Variants in C11orf65 observed in about 807,000 individuals in gnomAD.
The protein encoded by C11orf65 is protein MFI.
Under a neutral mutation model 35.3 loss-of-function variants are expected in C11orf65, and 38 were observed. The observed-to-expected ratio is 1.08, with a 90% CI of 0.83 to 1.41. The LOEUF (loss-of-function observed/expected upper bound fraction) is 1.41. Among genes scored for constraint, C11orf65 ranks in the 40% most tolerant of loss-of-function variants. The pLI, the probability that C11orf65 is intolerant of heterozygous loss-of-function variation, is 0.00. For synonymous variants in C11orf65, 105 were observed against 114.4 expected, an observed-to-expected ratio of 0.92 and a Z score of 0.53; for missense variants, 370 against 367.1, an observed-to-expected ratio of 1.01 and a Z score of -0.06.
chr11:108,335,185 T>C, intron 3 of C11orf65: 1 of 1,604,482 alleles, frequency 6.2e-7, no homozygotes, highest in Non-Finnish European at 8.5e-7. Context: ...TCTTTCTGCT[T>C]TATTTGGGAT....
At chr11:108,350,818 G>A (rs2089111720) in intron 2 of C11orf65, among the ~76,000 whole-genome samples, 1 of 152,124 alleles carries the variant, frequency 6.6e-6, no homozygotes, top group Non-Finnish European at 1.5e-5. Flanking sequence ...TTCAGGTCGT[G>A]CTAAAAGCAT....
chr11:108,336,052 T>C, intron 2 of C11orf65: 2 of 972,024 alleles, frequency 2.1e-6, no homozygotes, highest in Non-Finnish European at 3.3e-6. Context: ...TTCATAATGC[T>C]TTGGGAGGCC....
intron 3 of C11orf65, among the ~76,000 whole-genome samples, chr11:108,333,672 T>A (rs2086520462): frequency 6.6e-6 from 1 of 152,230 alleles, no homozygotes; most frequent in Non-Finnish European, 1.5e-5. Context: ...CCTTGTCAGG[T>A]AACCTGCAAA....
chr11:108,419,162 A>T (rs763345556), intron 3 of C11orf65, among the ~76,000 whole-genome samples: 4 of 152,186 alleles, frequency 2.6e-5, no homozygotes, highest in Non-Finnish European at 4.4e-5. Context: ...TGATACCAAA[A>T]TCTGACAGAG....
At chr11:108,454,613 G>GTTTA (rs546194970) in intron 2 of C11orf65, among the ~76,000 whole-genome samples, 187 of 151,712 alleles carry the variant, frequency 1.2e-3, no homozygotes, top group East Asian at 3.1e-3. Context: ...TTACATTTTT[G>GTTTA]TTTATTTATT....
chr11:108,330,316 T>A (rs1555123144), downstream of C11orf65: 1 of 1,614,216 alleles, frequency 6.2e-7, no homozygotes, highest in East Asian at 2.2e-5. Context: ...TTGAAAATTA[T>A]ATCAACTGCT....
intron 6 of C11orf65, among the ~76,000 whole-genome samples, chr11:108,311,234 C>A (rs927655232): frequency 2.6e-5 from 4 of 152,132 alleles, no homozygotes; most frequent in African/African-American, 9.7e-5. Context: ...CTCAGCCTTT[C>A]AAAGTGCTGG....
chr11:108,405,469 T>C lies in C11orf65; in HGVS notation c.520A>G (p.Lys174Glu). ...TCTATTTTTCTAAGTTTTCTTTTCTTTTCCAAATCTTGCCTTCTCTTCAGT... is the reference window on the plus strand; with the variant it reads ...TCTATTTTTCTAAGTTTTCTTTTCTCTTCCAAATCTTGCCTTCTCTTCAGT... ...SKLKRRQDLE[K>E]KRKLRKIEWM... Residue 174 changes from lysine to glutamate, a missense_variant, in exon 6 of 9, where the codon AAG becomes GAG. By Grantham distance (56) the Lys-to-Glu change is moderately conservative (BLOSUM62 1). Transcript: ENST00000393084. 4.3e-6 allele frequency: 7 copies of C among 1,613,594 alleles called. No homozygotes were observed. The South Asian group carries it at 7.7e-5, about 18-fold the overall frequency.
rs759779781 is a variant in C11orf65, at chr11:108,335,024, A to G, written c.299+196T>C. The G allele has an allele frequency of 5.0e-6, 8 of 1,614,006 alleles. No homozygotes were observed. The highest frequency in any genetic ancestry group is 6.8e-6 in the Non-Finnish European group (8 of 1,179,886). On this transcript the variant is annotated intron_variant, in intron 3 of 3. Transcript: ENST00000524755. ...GTGACTATACAGTCATTTAAAGCAG[A>G]ATTTCGCTTAGCAGGAGGTGTAAAT...
At chr11:108,418,440 A>G (rs11212619) in intron 3 of C11orf65, among the ~76,000 whole-genome samples, 76,233 of 151,928 alleles carry the variant, frequency 0.5, 20,429 homozygotes, top group Middle Eastern at 0.72. Flanking sequence ...TAAAGTAGAA[A>G]TTTTAAAATA....
At chr11:108,431,264 CAA>C (rs2092985968) in intron 3 of C11orf65, among the ~76,000 whole-genome samples, 1 of 151,256 alleles carries the variant, frequency 6.6e-6, no homozygotes, top group African/African-American at 2.4e-5. Flanking sequence ...AGAAAAAATA[CAA>C]AAGTCAATCA....
In C11orf65 at chr11:108,444,642, T is replaced by C. The variant is rs151189228; in HGVS notation, c.82-12804A>G. Among the ~76,000 whole-genome samples, 10 of 152,234 alleles carry C rather than the reference T, an allele frequency of 6.6e-5. No individual in the cohort carries two copies. The East Asian group carries it at 1.4e-3, about 21-fold the overall frequency. On this transcript the variant is annotated intron_variant, in intron 2 of 8. Coordinates refer to ENST00000393084, the MANE Select transcript of C11orf65 (RefSeq NM_152587.5). Reference sequence around the variant, plus strand: ...ACAGGGTGGAGCCAAGATGGCCGAATAGGAACAGCTCCAGTCTACAGCTCC... The same window carrying C: ...ACAGGGTGGAGCCAAGATGGCCGAACAGGAACAGCTCCAGTCTACAGCTCC...
At chr11:108,398,112 C>T (rs767181692) in intron 6 of C11orf65, among the ~76,000 whole-genome samples, 3 of 152,098 alleles carry the variant, frequency 2.0e-5, no homozygotes, top group Non-Finnish European at 2.9e-5. Context: ...GTGTAGGTAA[C>T]GGGGAGCCCT....
downstream of C11orf65, among the ~76,000 whole-genome samples, chr11:108,381,785 T>C (rs963851010): frequency 2.0e-5 from 3 of 152,264 alleles, no homozygotes; most frequent in Admixed American, 6.5e-5. Context: ...ACAAATTCTT[T>C]GACAATCTTC....
At chr11:108,411,536 T>G (rs1294769654) in intron 3 of C11orf65, among the ~76,000 whole-genome samples, 2 of 152,222 alleles carry the variant, frequency 1.3e-5, no homozygotes, top group Non-Finnish European at 2.9e-5. Flanking sequence ...ATATCTGTAC[T>G]AAATTTTTTT....
chr11:108,442,631 C>T (rs938939004), intron 2 of C11orf65, among the ~76,000 whole-genome samples: 1 of 152,274 alleles, frequency 6.6e-6, no homozygotes, highest in African/African-American at 2.4e-5. Flanking sequence ...GATCTCTCAG[C>T]AGAAACTCTA....
At chr11:108,338,092 T>C (rs545335394) in intron 2 of C11orf65, among the ~76,000 whole-genome samples, 1 of 152,398 alleles carries the variant, frequency 6.6e-6, no homozygotes, top group East Asian at 1.9e-4. Flanking sequence ...CCCACGCCTG[T>C]AATCCCAGTA....
intron 6 of C11orf65, chr11:108,325,164 G>T: frequency 1.7e-6 from 1 of 604,962 alleles, no homozygotes; most frequent in Non-Finnish European, 2.8e-6. Flanking sequence ...CCATATGTAG[G>T]ATTATTTACA....
At chr11:108,395,394 G>A (rs542644566) in intron 6 of C11orf65, among the ~76,000 whole-genome samples, 8 of 150,818 alleles carry the variant, frequency 5.3e-5, no homozygotes, top group African/African-American at 1.7e-4. Context: ...ATGTGATCTC[G>A]GCTCACTGCA....
Sources: gnomAD v4.1 joint callset for allele counts (sites outside exome capture counted in the v4.1 genomes callset) on GRCh38, gnomAD v4.1.1 for gene constraint, MANE v1.5 for transcripts, NCBI Gene and HGNC (gene_info 2026-07-23, HGNC 2026-07-21) for gene names.